The following IFNLR1 variants were observed in gnomAD, a reference collection of about 807,000 sequenced individuals.
IFNLR1 encodes the protein interferon lambda receptor 1.
Under a neutral mutation model 52.5 loss-of-function variants are expected in IFNLR1, and 28 were observed. The ratio of observed to expected loss-of-function variants is 0.53; its 90% CI spans 0.40 to 0.73. IFNLR1 has a LOEUF of 0.73. Among genes scored for constraint, IFNLR1 ranks in the 30% least tolerant of loss-of-function variants. The pLI is 0.00. For missense variants in IFNLR1, 623 were observed against 659.1 expected, an observed-to-expected ratio of 0.95 and a Z score of 0.60; for synonymous variants, 276 against 274.9, an observed-to-expected ratio of 1.00 and a Z score of -0.04.
intron 3 of IFNLR1, among the ~76,000 whole-genome samples, chr1:24,166,759 C>T (rs1644524801): frequency 6.6e-6 from 1 of 151,626 alleles, no homozygotes; most frequent in African/African-American, 2.4e-5. Flanking sequence ...CCCTATGTTG[C>T]CTAGGCTGGT....
chr1:24,159,059 C>T lies in IFNLR1; in HGVS notation c.794G>A (p.Arg265Gln), dbSNP rs200996459. The change falls in exon 6 of 7, where the codon CGG (arginine) becomes CAG (glutamine). Residue 265 changes from arginine to glutamine, a missense_variant. By Grantham distance (43) the Arg-to-Gln change is conservative. Coordinates refer to ENST00000327535, the MANE Select transcript of IFNLR1 (RefSeq NM_170743.4). ...CCCCCAGATTTGCTATACCAGGGCC[C>T]GTGGCATCTTTGCCCGCTGAAACCA... The part of the protein sequence containing the change: ...NPWFQRAKMP[R>Q]ALDFSGHTHP... 65 of 1,614,032 alleles carry T rather than the reference C, an allele frequency of 4.0e-5. No individual in the cohort carries two copies. Among genetic ancestry groups the T allele is most frequent in the South Asian group, 2.4e-4 (22 of 91,054 alleles).
intron 2 of IFNLR1, among the ~76,000 whole-genome samples, chr1:24,171,145 C>T (rs376703048): frequency 1.8e-4 from 28 of 152,268 alleles, no homozygotes; most frequent in African/African-American, 6.3e-4. Context: ...AACAACTTCA[C>T]CCTCTATAAA....
At chr1:24,163,754 T>C (rs1266104033) in intron 3 of IFNLR1, among the ~76,000 whole-genome samples, 1 of 152,106 alleles carries the variant, frequency 6.6e-6, no homozygotes, top group Non-Finnish European at 1.5e-5. Flanking sequence ...TAATTTTGTA[T>C]TTTTAGTAGA....
At chr1:24,180,454 CA>C (rs1334326811) in intron 2 of IFNLR1, among the ~76,000 whole-genome samples, 1 of 152,140 alleles carries the variant, frequency 6.6e-6, no homozygotes, top group Non-Finnish European at 1.5e-5. Flanking sequence ...CTCTGGCCCC[CA>C]CAGCTACATC....
chr1:24,161,335 C>A, intron 4 of IFNLR1: 1 of 625,024 alleles, frequency 1.6e-6, no homozygotes, highest in East Asian at 2.8e-5. Context: ...TTTTTCTGTA[C>A]TGAATCTGTT....
At chr1:24,168,126 A>G (rs1226640282) in intron 3 of IFNLR1, among the ~76,000 whole-genome samples, 1 of 150,484 alleles carries the variant, frequency 6.6e-6, no homozygotes, top group Non-Finnish European at 1.5e-5. Flanking sequence ...CTATCCTTCC[A>G]TCCAACCTCC....
chr1:24,178,264 G>C (rs1644655175), intron 2 of IFNLR1, among the ~76,000 whole-genome samples: 1 of 152,036 alleles, frequency 6.6e-6, no homozygotes, highest in Non-Finnish European at 1.5e-5. Flanking sequence ...TGGCCTGGGT[G>C]ACAGAGTGAA....
intron 2 of IFNLR1, 61 bp downstream of exon 2, chr1:24,180,670 C>CCCG: frequency 7.8e-7 from 1 of 1,274,998 alleles, no homozygotes; most frequent in Non-Finnish European, 1.1e-6. Flanking sequence ...CAGAGAAGCC[C>CCCG]CTCCAGCCCC....
intron 2 of IFNLR1, 34 bp downstream of exon 2, chr1:24,180,697 C>G: frequency 1.6e-6 from 1 of 614,142 alleles, no homozygotes; most frequent in Non-Finnish European, 2.8e-6. Context: ...CCCCCTCAGT[C>G]TTCCCATCCA....
intron 2 of IFNLR1, among the ~76,000 whole-genome samples, chr1:24,170,072 C>T (rs1569666347): frequency 6.6e-6 from 1 of 152,168 alleles, no homozygotes; most frequent in Non-Finnish European, 1.5e-5. Context: ...GCTGCCTGGC[C>T]CTTCTATCTC....
Position 24,157,038 on chromosome 1 carries a change from G to T in IFNLR1, c.*92C>A, listed in dbSNP as rs535209482. 6.0e-5 allele frequency: 86 copies of T among 1,430,920 alleles called. 1 individual carries two copies. In the Middle Eastern group the frequency reaches 3.1e-3, roughly 52 times the overall value. 88.6% of individuals were successfully genotyped at this position (1,430,920 alleles called of 1,614,324 possible). A position where few individuals can be genotyped will look rare whatever the true frequency, so the allele number is the denominator to read the frequency against. ...TGCAATGCCCCTCCGCCGCCCAGGG[G>T]AGGTACGGAGGCTCTTGAGTTTCTT... On this transcript the variant is annotated 3_prime_UTR_variant, in exon 7 of 7. Coordinates refer to ENST00000327535, the MANE Select transcript of IFNLR1 (RefSeq NM_170743.4). This position sits in a 1 kb window ranked among gnomAD's most constrained non-coding sequence, Gnocchi z 5.1.
In IFNLR1 at chr1:24,157,582, T is replaced by C; in HGVS notation, c.1111A>G (p.Arg371Gly). Residue 371 changes from arginine (R) to glycine (G), a missense_variant, in exon 7 of 7, where the codon AGG becomes GGG. Transcript: ENST00000327535. The surrounding 1 kb of genome is among the most constrained non-coding windows in gnomAD (Gnocchi z 5.1). Reference sequence around the variant, plus strand: ...CCTTCGCTTGGGACCAGAGGAGCCCTGGGCCTCCCTGAGTCCACCCCACCA... The same window carrying C: ...CCTTCGCTTGGGACCAGAGGAGCCCCGGGCCTCCCTGAGTCCACCCCACCA... ...EAGGVDSGRP[R>G]APLVPSEGSS... 6.2e-7 allele frequency: 1 copy of C among 1,611,524 alleles called. No individual in the cohort carries two copies. The highest frequency in any genetic ancestry group is 8.5e-7 in the Non-Finnish European group (1 of 1,178,854).
chr1:24,165,158 T>TC (rs1423142201), intron 3 of IFNLR1, among the ~76,000 whole-genome samples: 2 of 152,170 alleles, frequency 1.3e-5, no homozygotes, highest in Non-Finnish European at 2.9e-5. Context: ...CCTCATTTTC[T>TC]CTCTCTCCTC....
At chr1:24,159,435 A>G (rs771934907) in intron 5 of IFNLR1, 39 bp downstream of exon 5, 2 of 1,595,510 alleles carry the variant, frequency 1.3e-6, no homozygotes, top group Admixed American at 1.7e-5. Flanking sequence ...CCCAAGGCCC[A>G]GAGGGAAAGT....
intron 2 of IFNLR1, among the ~76,000 whole-genome samples, chr1:24,172,336 C>G (rs902770585): frequency 1.3e-5 from 2 of 151,956 alleles, no homozygotes; most frequent in Non-Finnish European, 2.9e-5. Flanking sequence ...GTCACAAAAA[C>G]ATATCCATGA....
At chr1:24,170,896 G>A (rs1456867646) in intron 2 of IFNLR1, among the ~76,000 whole-genome samples, 1 of 152,176 alleles carries the variant, frequency 6.6e-6, no homozygotes, top group Non-Finnish European at 1.5e-5. Context: ...GCTGAGATGG[G>A]GGCTGACACA....
intron 2 of IFNLR1, among the ~76,000 whole-genome samples, chr1:24,174,798 T>C (rs916414197): frequency 2.6e-5 from 4 of 151,890 alleles, no homozygotes; most frequent in African/African-American, 9.7e-5. Flanking sequence ...AAGAGATATA[T>C]GAAAAGAATT....
chr1:24,159,400 T>C (rs1644416169), intron 5 of IFNLR1, 74 bp downstream of exon 5: 1 of 1,438,566 alleles, frequency 7.0e-7, no homozygotes, highest in Non-Finnish European at 9.7e-7. Context: ...TAGGCTCATG[T>C]TCTTAACCAC....
intron 1 of IFNLR1, among the ~76,000 whole-genome samples, chr1:24,184,018 C>T (rs1437669398): frequency 1.3e-5 from 2 of 152,224 alleles, no homozygotes; most frequent in African/African-American, 4.8e-5. Context: ...GCCTGAGCCA[C>T]TGTGCCTGGT....
Sources: gnomAD v4.1 joint callset for allele counts (sites outside exome capture counted in the v4.1 genomes callset) on GRCh38, gnomAD v4.1.1 for gene constraint, Gnocchi (gnomAD v3.1) non-coding constraint, MANE v1.5 for transcripts, NCBI Gene and HGNC (gene_info 2026-07-23, HGNC 2026-07-21) for gene names.